Variants in ZNF626 observed in about 807,000 individuals in gnomAD.
The protein encoded by ZNF626 is CTC-513N18.7.
A neutral mutation model predicts 11.7 loss-of-function variants in ZNF626; 4 were observed. The ratio of observed to expected loss-of-function variants is 0.34; its 90% CI spans 0.17 to 0.78. The LOEUF is 0.78. Ranked by LOEUF, ZNF626 falls within the 30% of genes least tolerant of loss-of-function variation. ZNF626 has a pLI of 0.57. For missense variants in ZNF626, 588 were observed against 587.1 expected, an observed-to-expected ratio of 1.00 and a Z score of -0.01; for synonymous variants, 179 against 198.6, an observed-to-expected ratio of 0.90 and a Z score of 0.83.
Position 20,623,800 on chromosome 19 carries a change from CAAA to C in ZNF626, c.*487_*489del, listed in dbSNP as rs58402205. 0.013 allele frequency: 2,652 copies of C among 198,022 alleles called. No individual in the cohort carries two copies. The highest frequency in any genetic ancestry group is 0.023 in the South Asian group (362 of 16,060). The allele number at this position is 198,022 out of a possible 1,614,324, so 12.3% of individuals were successfully genotyped here. A position where few individuals can be genotyped will look rare whatever the true frequency, so the allele number is the denominator to read the frequency against. On this transcript the variant is annotated 3_prime_UTR_variant, in exon 4 of 4. Coordinates refer to ENST00000601440, the MANE Select transcript of ZNF626 (RefSeq NM_001076675.3). ...GGTGACAAGAGTTGAAACTCCATCTCAAAAAAAAAAAAAAAAAGACAGAACTTG... is the reference window on the plus strand; with the variant it reads ...GGTGACAAGAGTTGAAACTCCATCTCAAAAAAAAAAAAAAGACAGAACTTG...
chr19:20,654,687 G>A (rs1970186466), intron 1 of ZNF626, among the ~76,000 whole-genome samples: 1 of 151,704 alleles, frequency 6.6e-6, no homozygotes, highest in Admixed American at 6.6e-5. Flanking sequence ...CCGGACGACA[G>A]AGTGAGACTC....
chr19:20,627,400 T>C (rs1164172070), intron 3 of ZNF626, among the ~76,000 whole-genome samples: 1 of 152,074 alleles, frequency 6.6e-6, no homozygotes, highest in African/African-American at 2.4e-5. Context: ...TTAGAGGTTT[T>C]ATGTAATCTC....
chr19:20,638,955 C>T (rs1041066435), intron 3 of ZNF626, among the ~76,000 whole-genome samples: 150 of 151,992 alleles, frequency 9.9e-4, no homozygotes, highest in Admixed American at 8.9e-3. Context: ...ATTGAGAGTA[C>T]GTTATTTATA....
intron 3 of ZNF626, 103 bp downstream of exon 3, chr19:20,645,581 T>C: frequency 6.4e-7 from 1 of 1,555,704 alleles, no homozygotes; most frequent in Admixed American, 2.2e-5. Context: ...CTATTTCCTT[T>C]GGAACACAGC....
At position 20,624,382 on chromosome 19, in the gene ZNF626, G is replaced by A. The variant is rs190319020; in HGVS notation, c.1495C>T (p.His499Tyr). 5.6e-4 allele frequency: 408 copies of A among 729,910 alleles called. 57 individuals are homozygous for A. The Admixed American group carries it at 0.013, about 22-fold the overall frequency. The allele number at this position is 729,910 out of a possible 1,614,324, so 45.2% of individuals were successfully genotyped here. The part of the protein sequence containing the change: ...AFNQSSILTT[H>Y]ERIILERNST... Reference sequence around the variant, plus strand: ...TTTCTCTCCAGTATGATTCTCTCATGTGTAGTAAGGATTGAGGACTGGTTG... The same window carrying A: ...TTTCTCTCCAGTATGATTCTCTCATATGTAGTAAGGATTGAGGACTGGTTG... Residue 499 changes from histidine (H) to tyrosine (Y), a missense_variant, in exon 4 of 4, where the codon CAT (histidine) becomes TAT (tyrosine). By Grantham distance (83) the His-to-Tyr change is moderately conservative. This residue lies in a region of ZNF626 where 43 missense variants were observed against 38.0 expected (regional missense o/e 1.13). Transcript: ENST00000601440.
intron 3 of ZNF626, among the ~76,000 whole-genome samples, chr19:20,636,037 T>TAGG (rs1969962043): frequency 6.6e-6 from 1 of 152,026 alleles, no homozygotes; most frequent in Non-Finnish European, 1.5e-5. Flanking sequence ...GAGGCTGAGG[T>TAGG]AGGAGAATGG....
intron 3 of ZNF626, among the ~76,000 whole-genome samples, chr19:20,634,399 G>A (rs1459841770): frequency 6.6e-6 from 1 of 152,162 alleles, no homozygotes; most frequent in East Asian, 1.9e-4. Context: ...TAGACCACCT[G>A]TTAGGCCAAA....
intron 3 of ZNF626, 170 bp downstream of exon 3, chr19:20,645,514 A>C: frequency 6.4e-7 from 1 of 1,567,868 alleles, no homozygotes; most frequent in Non-Finnish European, 8.6e-7. Flanking sequence ...CTTTGTAAGC[A>C]AAATTAAAAA....
At chr19:20,653,118 C>G (rs1335998911) in intron 1 of ZNF626, among the ~76,000 whole-genome samples, 4 of 152,186 alleles carry the variant, frequency 2.6e-5, no homozygotes, top group African/African-American at 9.6e-5. Flanking sequence ...ATGCACTTTT[C>G]TGCACAAGTG....
intron 3 of ZNF626, among the ~76,000 whole-genome samples, chr19:20,638,507 C>G (rs1969990059): frequency 6.6e-6 from 1 of 151,304 alleles, no homozygotes; most frequent in Non-Finnish European, 1.5e-5. Flanking sequence ...TTTTAAAAAG[C>G]AATCAGTATG....
intron 3 of ZNF626, among the ~76,000 whole-genome samples, chr19:20,627,372 A>T (rs868941558): frequency 8.5e-5 from 13 of 152,114 alleles, no homozygotes; most frequent in South Asian, 2.1e-4. Context: ...ACCACATTCA[A>T]ATATATTGTT....
In ZNF626 at chr19:20,647,022, G is replaced by A. The variant is rs59094460; in HGVS notation, c.4-617C>T. Among the ~76,000 whole-genome samples, 1,198 of 142,132 alleles carry A rather than the reference G, an allele frequency of 8.4e-3. 14 individuals are homozygous for A. The highest frequency in any genetic ancestry group is 0.027 in the African/African-American group (1,084 of 39,748). The allele number at this position is 142,132 out of a possible 152,430, so 93.2% of individuals were successfully genotyped here. On this transcript the variant is annotated intron_variant, in intron 1 of 3. Coordinates refer to ENST00000601440, the MANE Select transcript of ZNF626 (RefSeq NM_001076675.3). ...ATCACCGCACCCGGTAATTTTTTTCGTAGTTTTAGTAGAGATGGTGTTTAT... is the reference window on the plus strand; with the variant it reads ...ATCACCGCACCCGGTAATTTTTTTCATAGTTTTAGTAGAGATGGTGTTTAT...
intron 1 of ZNF626, among the ~76,000 whole-genome samples, chr19:20,656,457 A>C (rs543700413): frequency 4.6e-5 from 7 of 152,308 alleles, no homozygotes; most frequent in Non-Finnish European, 7.3e-5. Flanking sequence ...TTTAAACTAA[A>C]GAGCTTCTTC....
intron 3 of ZNF626, among the ~76,000 whole-genome samples, chr19:20,627,433 T>C (rs1555769894): frequency 6.6e-6 from 1 of 151,886 alleles, no homozygotes; most frequent in East Asian, 1.9e-4. Flanking sequence ...TAAGAAAATA[T>C]TTGTATGGAT....
At position 20,659,533 on chromosome 19, in the gene ZNF626, G is replaced by A. The variant is rs193146308; in HGVS notation, c.3+1911C>T. On this transcript the variant is annotated intron_variant, in intron 1 of 3. Transcript: ENST00000601440. ...TGGGATTACATGCCTGAGCCATGGC[G>A]CTCAGCCTAAAATATTTCTTAATCA... Among the ~76,000 whole-genome samples, 593 of 152,204 alleles carry A rather than the reference G, an allele frequency of 3.9e-3. 3 individuals carry two copies. Among genetic ancestry groups the A allele is most frequent in the African/African-American group, 0.013 (529 of 41,534 alleles).
chr19:20,658,514 T>C (rs1363932166), intron 1 of ZNF626, among the ~76,000 whole-genome samples: 2 of 152,176 alleles, frequency 1.3e-5, no homozygotes, highest in African/African-American at 2.4e-5. Context: ...ATCAGAACTC[T>C]TTCCTCTAAG....
Position 20,624,354 on chromosome 19 carries a change from GAA to G in ZNF626, c.1521_1522del (p.Ser508TyrfsTer89), listed in dbSNP as rs2144760713. 258 of 1,431,694 alleles carry G rather than the reference GAA, an allele frequency of 1.8e-4. 14 individuals are homozygous for G. Among genetic ancestry groups the G allele is most frequent in the East Asian group, 6.9e-4 (24 of 34,936 alleles). The allele number at this position is 1,431,694 out of a possible 1,614,324, so 88.7% of individuals were successfully genotyped here. ...CTTTGCCACATTCTTCACATTTGTA[GAA>G]TTTCTCTCCAGTATGATTCTCTCAT... is the stretch of plus-strand genomic sequence containing the variant. On this transcript the variant is annotated frameshift_variant, in exon 4 of 4. Coordinates refer to ENST00000601440, the MANE Select transcript of ZNF626 (RefSeq NM_001076675.3). LOFTEE classifies it low-confidence loss of function (END_TRUNC).
At chr19:20,636,904 C>A (rs1347978720) in intron 3 of ZNF626, among the ~76,000 whole-genome samples, 1 of 151,452 alleles carries the variant, frequency 6.6e-6, no homozygotes, top group Non-Finnish European at 1.5e-5. Flanking sequence ...TCCTGTTGTC[C>A]CAGCTACTGA....
intron 3 of ZNF626, 48 bp downstream of exon 3, chr19:20,645,636 G>A: frequency 1.3e-6 from 2 of 1,585,682 alleles, no homozygotes; most frequent in South Asian, 2.3e-5. Context: ...TTGACCTTGG[G>A]ACCCCTTATC....
Sources: allele counts gnomAD v4.1 joint callset (sites outside exome capture counted in the v4.1 genomes callset), GRCh38; gene constraint gnomAD v4.1.1; regional missense constraint gnomAD v4.1.1; transcripts MANE v1.5; gene names NCBI Gene and HGNC (gene_info 2026-07-23, HGNC 2026-07-21).